ANKRD37: variants seen among roughly 807,000 people sequenced by gnomAD.
ANKRD37 encodes ankyrin repeat domain-containing protein 37.
A neutral mutation model predicts 19.7 loss-of-function variants in ANKRD37; 17 were observed. The ratio of observed to expected loss-of-function variants is 0.86; its 90% CI spans 0.59 to 1.29. The LOEUF (loss-of-function observed/expected upper bound fraction) is 1.29. Among genes scored for constraint, ANKRD37 ranks in the 50% most tolerant of loss-of-function variants. The pLI, the probability that ANKRD37 is intolerant of heterozygous loss-of-function variation, is 0.00. For synonymous variants in ANKRD37, 79 were observed against 74.5 expected (o/e 1.06, Z -0.31); for missense variants, 207 against 190.4 (o/e 1.09, Z -0.51).
In ANKRD37 at chr4:185,399,786, G is replaced by A. The variant is rs1246479750; in HGVS notation, c.476+13G>A. 3.7e-6 allele frequency: 6 copies of A among 1,613,466 alleles called. No homozygotes were observed. The highest frequency in any genetic ancestry group is 5.1e-6 in the Non-Finnish European group (6 of 1,179,734). On this transcript the variant is annotated intron_variant, in intron 4 of 4. Transcript: ENST00000335174. ...AAAGGAAGTGCTGGTAAGTAACTCA[G>A]AGCTGCTGCTTTTTTCCTCCCGCAG...
In ANKRD37 at chr4:185,398,984, C is replaced by G. The variant is rs889218987; in HGVS notation, c.228C>G (p.Ser76Arg). The G allele has an allele frequency of 1.2e-6, 2 of 1,613,688 alleles. No homozygotes were observed. Among genetic ancestry groups the G allele is most frequent in the Non-Finnish European group, 1.7e-6 (2 of 1,179,816 alleles). Reference protein sequence around the residue: ...APLHKAAKVGSLECLSLLVAS... With the variant: ...APLHKAAKVGRLECLSLLVAS... Reference sequence around the variant, plus strand: ...TACACAAGGCAGCAAAAGTTGGAAGCCTGGAGTGCCTAAGCCTGCTTGTAG... The same window carrying G: ...TACACAAGGCAGCAAAAGTTGGAAGGCTGGAGTGCCTAAGCCTGCTTGTAG... Residue 76 changes from serine to arginine, a missense_variant, in exon 3 of 5, where the codon AGC becomes AGG. Coordinates refer to ENST00000335174, the MANE Select transcript of ANKRD37 (RefSeq NM_181726.4).
In ANKRD37 at chr4:185,399,585, C is replaced by T. The variant is rs368868442; in HGVS notation, c.288C>T (p.Asn96=). The part of the protein sequence containing the change: ...SDAQIDLCNK[N]GQTAEDLAWS... Reference sequence around the variant, plus strand: ...CTGTTTTCAGTTTATGTAATAAGAACGGGCAAACAGCTGAAGATCTCGCTT... The same window carrying T: ...CTGTTTTCAGTTTATGTAATAAGAATGGGCAAACAGCTGAAGATCTCGCTT... The change falls in exon 4 of 5, where the codon AAC becomes AAT. Residue 96 remains asparagine, a synonymous_variant. Transcript: ENST00000335174. 2.0e-5 allele frequency: 33 copies of T among 1,614,018 alleles called. No homozygotes were observed. The highest frequency in any genetic ancestry group is 1.6e-4 in the Middle Eastern group (1 of 6,084).
At chr4:185,397,420 C>G in intron 2 of ANKRD37, 118 bp downstream of exon 2, 1 of 1,278,608 alleles carries the variant, frequency 7.8e-7, no homozygotes, top group Non-Finnish European at 1.1e-6. Flanking sequence ...CAGCGATGTC[C>G]AACAGAAATA....
intron 2 of ANKRD37, among the ~76,000 whole-genome samples, chr4:185,398,192 A>T (rs1489594752): frequency 1.3e-5 from 2 of 152,324 alleles, no homozygotes; most frequent in African/African-American, 4.8e-5. Flanking sequence ...TCCTGACCTT[A>T]GGTGATCCGC....
In ANKRD37 at chr4:185,397,107, G is replaced by A. The variant is rs374075652; in HGVS notation, c.28-43G>A. On this transcript the variant is annotated intron_variant, in intron 1 of 4. Coordinates refer to ENST00000335174, the MANE Select transcript of ANKRD37 (RefSeq NM_181726.4). ...TTCCAGCCCGGAGGGGCGCGGGACT[G>A]GACAAAGGTGGGAAGGGTGCTGGAT... is the stretch of plus-strand genomic sequence containing the variant. 6.4e-4 allele frequency: 1,024 copies of A among 1,611,322 alleles called. 1 individual carries two copies. Among genetic ancestry groups the A allele is most frequent in the Non-Finnish European group, 8.4e-4 (990 of 1,178,904 alleles).
At chr4:185,397,474 T>G in intron 2 of ANKRD37, 172 bp downstream of exon 2, 5 of 881,708 alleles carry the variant, frequency 5.7e-6, no homozygotes, top group Non-Finnish European at 6.5e-6. Flanking sequence ...TTTCCAGTCT[T>G]GATGTGAGGA....
At chr4:185,400,293 C>G (rs3733646), downstream of ANKRD37, 690,108 of 994,320 alleles carry the variant, frequency 0.69, 247,205 homozygotes, top group East Asian at 0.83. Context: ...TAATTTAAAT[C>G]GTCAAACTAG....
Position 185,396,902 on chromosome 4 carries a change from T to C in ANKRD37, c.-22T>C, listed in dbSNP as rs1278638775. On this transcript the variant is annotated 5_prime_UTR_variant, in exon 1 of 5. Coordinates refer to ENST00000335174, the MANE Select transcript of ANKRD37 (RefSeq NM_181726.4). The stretch of plus-strand genomic sequence containing the variant: ...ACCTCTCTGCACTTCCAAGGACTCT[T>C]GTCATCTGCCTTAGGCGGGAAATGC... 12 of 1,613,124 alleles carry C rather than the reference T, an allele frequency of 7.4e-6. No individual in the cohort carries two copies. Among genetic ancestry groups the C allele is most frequent in the Non-Finnish European group, 9.3e-6 (11 of 1,179,978 alleles).
In ANKRD37 at chr4:185,398,107, G is replaced by A. The variant is rs181480421; in HGVS notation, c.180+805G>A. On this transcript the variant is annotated intron_variant, in intron 2 of 4. Coordinates refer to ENST00000335174, the MANE Select transcript of ANKRD37 (RefSeq NM_181726.4). ...CTAGTAGGTGGGATTACAGGCACGC[G>A]CCACCGTGCCCGGCTAATTTGTGTA... Among the ~76,000 whole-genome samples, 216 of 152,176 alleles carry A rather than the reference G, an allele frequency of 1.4e-3. 1 individual carries two copies. The highest frequency in any genetic ancestry group is 5.0e-3 in the African/African-American group (207 of 41,500).
At chr4:185,397,334 T>A in intron 2 of ANKRD37, 32 bp downstream of exon 2, 1 of 1,606,312 alleles carries the variant, frequency 6.2e-7, no homozygotes, top group South Asian at 1.1e-5. Flanking sequence ...TGTACAGCCG[T>A]CCCCTCCAAC....
chr4:185,400,565 G>T, downstream of ANKRD37: 3 of 948,098 alleles, frequency 3.2e-6, no homozygotes, highest in South Asian at 1.5e-5. Flanking sequence ...CTGTCAGCAG[G>T]ACCTTGGAAT....
chr4:185,398,065 C>T (rs768922864), intron 2 of ANKRD37, among the ~76,000 whole-genome samples: 3 of 152,230 alleles, frequency 2.0e-5, no homozygotes, highest in Non-Finnish European at 4.4e-5. Flanking sequence ...TCAAGAGATT[C>T]TCCTGCCTCA....
At chr4:185,398,735 C>T (rs956992391) in intron 2 of ANKRD37, among the ~76,000 whole-genome samples, 3 of 148,084 alleles carry the variant, frequency 2.0e-5, no homozygotes, top group African/African-American at 5.0e-5. Flanking sequence ...AACCCAAAAC[C>T]GGAACTGAGA....
chr4:185,396,844 C>T lies in ANKRD37; in HGVS notation c.-80C>T, dbSNP rs371823357. The T allele has an allele frequency of 4.8e-6, 7 of 1,472,382 alleles. No individual in the cohort carries two copies. The Admixed American group carries it at 5.0e-5, about 11-fold the overall frequency. 91.2% of individuals were successfully genotyped at this position (1,472,382 alleles called of 1,614,324 possible). A position where few individuals can be genotyped will look rare whatever the true frequency, so the allele number is the denominator to read the frequency against. ...TCTCCCGTGCTAGGGCCAGCCTGCG[C>T]ATTCTTACCTGTCGGGGTGCGGCGA... On this transcript the variant is annotated 5_prime_UTR_variant, in exon 1 of 5. Coordinates refer to ENST00000335174, the MANE Select transcript of ANKRD37 (RefSeq NM_181726.4).
intron 2 of ANKRD37, among the ~76,000 whole-genome samples, 199 bp from the exon 3 acceptor site, chr4:185,398,738 A>T (rs1561102963): frequency 6.6e-6 from 1 of 151,866 alleles, no homozygotes; most frequent in Non-Finnish European, 1.5e-5. Flanking sequence ...CCAAAACCGG[A>T]ACTGAGAATG....
chr4:185,397,300 C>T lies in ANKRD37; in HGVS notation c.178C>T (p.Gln60Ter), dbSNP rs2095505985. 1 of 1,613,614 alleles carries T rather than the reference C, an allele frequency of 6.2e-7. No homozygotes were observed. Among genetic ancestry groups the T allele is most frequent in the Non-Finnish European group, 8.5e-7 (1 of 1,179,914 alleles). The change falls in exon 2 of 5, where the codon CAG becomes TAG. Residue 60 changes from glutamine (Q) to a stop codon, truncating the protein, a stop_gained and splice_region_variant. Transcript: ENST00000335174. LOFTEE classifies it high-confidence loss of function. ...QLQTGADLNQQDVLGEAPLHK... is the reference protein window; with the variant it reads ...QLQTGADLNQ ...GCAAACGGGCGCTGACCTCAACCAG[C>T]AGGTAACTAGGTAACTGTTGCTGTG...
At chr4:185,397,888 T>C (rs2095507334) in intron 2 of ANKRD37, among the ~76,000 whole-genome samples, 1 of 152,264 alleles carries the variant, frequency 6.6e-6, no homozygotes, top group Non-Finnish European at 1.5e-5. Context: ...CATGGTGAAT[T>C]TTAAATTGTA....
chr4:185,399,541 A>G (rs1299908539), intron 3 of ANKRD37, 29 bp from the exon 4 acceptor site: 2 of 1,610,984 alleles, frequency 1.2e-6, no homozygotes, highest in East Asian at 4.5e-5. Flanking sequence ...TCAATGTTTC[A>G]TTTCACTCCG....
At position 185,399,773 on chromosome 4, in the gene ANKRD37, GGTAA is replaced by G. The variant is rs769488752; in HGVS notation, c.476+5_476+8del. ...AATACCAGTGGGAAAAGGAAGTGCT[GGTAA>G]GTAACTCAGAGCTGCTGCTTTTTTC... On this transcript the variant is annotated splice_donor_variant and splice_donor_region_variant and intron_variant, in intron 4 of 4. Coordinates refer to ENST00000335174, the MANE Select transcript of ANKRD37 (RefSeq NM_181726.4). LOFTEE classifies it high-confidence loss of function. 28 of 1,613,794 alleles carry G rather than the reference GGTAA, an allele frequency of 1.7e-5. No homozygotes were observed. In the African/African-American group the frequency reaches 2.9e-4, roughly 17 times the overall value.
Sources: gnomAD v4.1 joint callset for allele counts (sites outside exome capture counted in the v4.1 genomes callset) on GRCh38, gnomAD v4.1.1 for gene constraint, MANE v1.5 for transcripts, NCBI Gene and HGNC (gene_info 2026-07-23, HGNC 2026-07-21) for gene names.